SMYD3: variants seen among roughly 807,000 people sequenced by gnomAD.
SMYD3 encodes the protein histone-lysine N-methyltransferase SMYD3.
SMYD3 carries 36 observed loss-of-function variants against 57.7 expected under a neutral mutation model. That is an observed-to-expected ratio of 0.62 (90% confidence interval 0.48 to 0.82). The LOEUF is 0.82. Ranked by LOEUF, SMYD3 falls within the 40% of genes least tolerant of loss-of-function variation. The probability of loss-of-function intolerance (pLI) is 0.00; values close to 1 mark genes in which losing one functional copy is unlikely to be tolerated. For synonymous variants in SMYD3, 211 were observed against 195.0 expected, an observed-to-expected ratio of 1.08 and a Z score of -0.68; for missense variants, 515 against 538.8, an observed-to-expected ratio of 0.96 and a Z score of 0.44.
At position 246,203,844 on chromosome 1, in the gene SMYD3, C is replaced by T. The variant is rs2148371288; in HGVS notation, c.531+123357G>A. ...CCTCAAATCTTTTTCATATTTAATG[C>T]ACCAACAACCCACTCCTAGTCCAGA... On this transcript the variant is annotated intron_variant, in intron 5 of 11. Coordinates refer to ENST00000490107, the MANE Select transcript of SMYD3 (RefSeq NM_001167740.2). The surrounding 1 kb of genome is among the most constrained non-coding windows in gnomAD (Gnocchi z 4.6). Among the ~76,000 whole-genome samples the T allele has an allele frequency of 6.6e-6, 1 of 152,306 alleles. No individual in the cohort carries two copies. Among genetic ancestry groups the T allele is most frequent in the Middle Eastern group, 3.4e-3 (1 of 294 alleles).
chr1:245,867,647 C>T (rs548133155), intron 8 of SMYD3, among the ~76,000 whole-genome samples: 31 of 142,620 alleles, frequency 2.2e-4, no homozygotes, highest in African/African-American at 7.8e-4. Context: ...TATGTGCATG[C>T]GCGTGCGTGT....
chr1:245,977,025 A>AGGGAAAGCCATCGTCTCCG (rs2058456679), intron 5 of SMYD3, among the ~76,000 whole-genome samples: 2 of 30,856 alleles, frequency 6.5e-5, no homozygotes, highest in Admixed American at 4.7e-4. Context: ...CATCGTCTCT[A>AGGGAAAGCCATCGTCTCCG]GCCCAGGGAA....
rs141917497 is a variant in SMYD3, at chr1:246,236,515, C to T, written c.531+90686G>A. Among the ~76,000 whole-genome samples the T allele has an allele frequency of 7.2e-4, 109 of 152,132 alleles. 1 individual carries two copies. In the East Asian group the frequency reaches 0.018, roughly 25 times the overall value. On this transcript the variant is annotated intron_variant, in intron 5 of 11. Transcript: ENST00000490107. ...CTGCAAGCTCTGCCTCCTGGGTTCA[C>T]GCCATTCTCCTGCCTCAGCCTCCTG...
At chr1:245,751,049 C>A (rs573111587) in intron 11 of SMYD3, among the ~76,000 whole-genome samples, 1 of 152,344 alleles carries the variant, frequency 6.6e-6, no homozygotes, top group East Asian at 1.9e-4. Flanking sequence ...ATAACATCAA[C>A]TACTCATGAT....
At chr1:245,827,890 T>A (rs2049596575) in intron 10 of SMYD3, among the ~76,000 whole-genome samples, 1 of 152,204 alleles carries the variant, frequency 6.6e-6, no homozygotes, top group Non-Finnish European at 1.5e-5. Flanking sequence ...TTCTAATCTG[T>A]CCTCTCCTGC....
intron 5 of SMYD3, among the ~76,000 whole-genome samples, chr1:246,261,205 C>T (rs960682349): frequency 1.1e-4 from 16 of 151,994 alleles, no homozygotes; most frequent in Admixed American, 2.0e-4. Flanking sequence ...ACTACAGGCG[C>T]CCGCCACCAC....
intron 5 of SMYD3, among the ~76,000 whole-genome samples, chr1:246,008,291 C>G (rs191354005): frequency 1.5e-5 from 2 of 135,438 alleles, no homozygotes; most frequent in Non-Finnish European, 3.2e-5. Context: ...ACGCACAGAG[C>G]GGTGTTGGAG....
chr1:246,266,983 T>C (rs1332182628), intron 5 of SMYD3, among the ~76,000 whole-genome samples: 2 of 152,248 alleles, frequency 1.3e-5, no homozygotes, highest in Non-Finnish European at 2.9e-5. Flanking sequence ...TTAAATCTTA[T>C]TGAGGCAATT....
At chr1:245,901,838 C>T (rs532189338) in intron 8 of SMYD3, among the ~76,000 whole-genome samples, 6 of 152,290 alleles carry the variant, frequency 3.9e-5, no homozygotes, top group African/African-American at 1.4e-4. Context: ...AAAAGGTAAG[C>T]AAGAAATCTC....
At chr1:245,859,913 C>T (rs958640271) in intron 9 of SMYD3, among the ~76,000 whole-genome samples, 7 of 152,146 alleles carry the variant, frequency 4.6e-5, no homozygotes, top group African/African-American at 7.2e-5. Context: ...AAATGACTCA[C>T]GTCAACGTAA....
intron 5 of SMYD3, among the ~76,000 whole-genome samples, chr1:245,955,431 T>C (rs1370397660): frequency 6.6e-6 from 1 of 152,166 alleles, no homozygotes; most frequent in Non-Finnish European, 1.5e-5. Flanking sequence ...TGCCAGGTCA[T>C]AGCTTTTATA....
chr1:246,275,398 AT>A (rs1258873958), intron 5 of SMYD3, among the ~76,000 whole-genome samples: 3 of 149,850 alleles, frequency 2.0e-5, no homozygotes, highest in African/African-American at 7.3e-5. Flanking sequence ...CTGGCAAGTT[AT>A]TTAATGTTTC....
At chr1:246,191,343 A>G (rs866421197) in intron 5 of SMYD3, among the ~76,000 whole-genome samples, 1 of 152,220 alleles carries the variant, frequency 6.6e-6, no homozygotes, top group Non-Finnish European at 1.5e-5. Context: ...AAAAAATGCC[A>G]GAAGACTAGG....
At chr1:246,147,952 G>A (rs1481917930) in intron 5 of SMYD3, among the ~76,000 whole-genome samples, 3 of 152,196 alleles carry the variant, frequency 2.0e-5, no homozygotes, top group South Asian at 4.2e-4. Context: ...GTCTGCTCCC[G>A]CTTCCCAGCC....
chr1:246,435,563 T>C (rs2067358263), intron 1 of SMYD3, among the ~76,000 whole-genome samples: 1 of 151,914 alleles, frequency 6.6e-6, no homozygotes, highest in Non-Finnish European at 1.5e-5. Flanking sequence ...ACTGTAATAC[T>C]AGATAAGGAA....
intron 5 of SMYD3, among the ~76,000 whole-genome samples, chr1:246,000,978 T>C (rs1030261756): frequency 6.6e-6 from 1 of 152,210 alleles, no homozygotes; most frequent in African/African-American, 2.4e-5. Flanking sequence ...AAGGTTTTCC[T>C]TAATTTCTAA....
intron 4 of SMYD3, 128 bp from the exon 5 acceptor site, chr1:246,327,465 T>C: frequency 2.5e-6 from 2 of 803,868 alleles, no homozygotes; most frequent in East Asian, 2.7e-5. Flanking sequence ...AAAGAGCAAA[T>C]ACATATTGTT....
chr1:245,793,267 C>A (rs2047376784), intron 10 of SMYD3, among the ~76,000 whole-genome samples: 1 of 151,842 alleles, frequency 6.6e-6, no homozygotes, highest in Admixed American at 6.6e-5. Context: ...CGAGATCGTG[C>A]CACTGCACTC....
At chr1:246,253,336 GTT>G (rs922849757) in intron 5 of SMYD3, among the ~76,000 whole-genome samples, 2 of 152,168 alleles carry the variant, frequency 1.3e-5, no homozygotes, top group Non-Finnish European at 2.9e-5. Flanking sequence ...AGTACCCAAT[GTT>G]TAGCTCCCAC....
Sources: allele counts gnomAD v4.1 joint callset (sites outside exome capture counted in the v4.1 genomes callset), GRCh38; gene constraint gnomAD v4.1.1; non-coding constraint Gnocchi (gnomAD v3.1); transcripts MANE v1.5; gene names NCBI Gene and HGNC (gene_info 2026-07-23, HGNC 2026-07-21).